The following COL22A1 variants were observed in gnomAD, a reference collection of about 807,000 sequenced individuals.
The protein encoded by COL22A1 is collagen alpha-1(XXII) chain.
In COL22A1, 221 loss-of-function variants were observed where a neutral mutation model predicts 248.9. The ratio of observed to expected loss-of-function variants is 0.89; its 90% CI spans 0.80 to 0.99. The LOEUF (loss-of-function observed/expected upper bound fraction) is 0.99. Among genes scored for constraint, COL22A1 ranks in the 50% least tolerant of loss-of-function variants. The pLI is 0.00. For synonymous variants in COL22A1, 891 were observed against 793.4 expected (o/e 1.12, Z -2.07); for missense variants, 2,240 against 2,179.0 (o/e 1.03, Z -0.56).
At chr8:138,711,111 C>T (rs769361827) in intron 30 of COL22A1, among the ~76,000 whole-genome samples, 3 of 152,090 alleles carry the variant, frequency 2.0e-5, no homozygotes, top group Non-Finnish European at 4.4e-5. Flanking sequence ...GGAAAAGAGG[C>T]TTGACTAAGA....
At chr8:138,890,583 G>A (rs1312724734) in intron 1 of COL22A1, among the ~76,000 whole-genome samples, 1 of 152,070 alleles carries the variant, frequency 6.6e-6, no homozygotes, top group African/African-American at 2.4e-5. Context: ...AAGTAGCTGT[G>A]ACTACAGGCA....
intron 17 of COL22A1, 95 bp downstream of exon 17, chr8:138,762,318 G>T: frequency 8.0e-7 from 1 of 1,244,928 alleles, no homozygotes; most frequent in Non-Finnish European, 1.2e-6. Context: ...GGAGGCCCAG[G>T]TGCTGAGGCT....
At chr8:138,719,966 C>A (rs1278844813) in intron 27 of COL22A1, among the ~76,000 whole-genome samples, 1 of 152,194 alleles carries the variant, frequency 6.6e-6, no homozygotes, top group Non-Finnish European at 1.5e-5. Context: ...CTCAGCACCA[C>A]AGGTTTCCAT....
At chr8:138,694,599 C>T (rs576129081) in intron 33 of COL22A1, 38 bp from the exon 34 acceptor site, 3 of 1,607,834 alleles carry the variant, frequency 1.9e-6, no homozygotes, top group African/African-American at 1.3e-5. Context: ...AGCTCATCCT[C>T]CTGGTTCTGA....
At chr8:138,845,961 C>A (rs1382707305) in intron 3 of COL22A1, among the ~76,000 whole-genome samples, 1 of 152,188 alleles carries the variant, frequency 6.6e-6, no homozygotes, top group African/African-American at 2.4e-5. Context: ...TATACAATGG[C>A]CTCTTCTCAT....
intron 1 of COL22A1, among the ~76,000 whole-genome samples, chr8:138,912,692 G>A (rs1203536295): frequency 2.0e-5 from 3 of 152,160 alleles, no homozygotes; most frequent in South Asian, 2.1e-4. Flanking sequence ...ACAGTGAGCC[G>A]AGGCTGCACC....
intron 47 of COL22A1, 99 bp from the exon 48 acceptor site, chr8:138,636,894 C>T: frequency 2.0e-6 from 2 of 1,023,658 alleles, no homozygotes; most frequent in Non-Finnish European, 3.0e-6. Flanking sequence ...ATTAATTCTC[C>T]AAAAATCTCT....
At chr8:138,786,259 A>G (rs1815505142) in intron 12 of COL22A1, among the ~76,000 whole-genome samples, 1 of 152,184 alleles carries the variant, frequency 6.6e-6, no homozygotes, top group African/African-American at 2.4e-5. Flanking sequence ...TATTCTAAGA[A>G]GAGAACTAGA....
intron 6 of COL22A1, among the ~76,000 whole-genome samples, chr8:138,823,409 T>A (rs891945982): frequency 1.3e-5 from 2 of 152,138 alleles, no homozygotes; most frequent in Non-Finnish European, 2.9e-5. Context: ...CAAGATGTGA[T>A]TTATTGGCTT....
At chr8:138,803,494 ACATGTACC>A (rs1817180085) in intron 10 of COL22A1, among the ~76,000 whole-genome samples, 1 of 152,190 alleles carries the variant, frequency 6.6e-6, no homozygotes, top group African/African-American at 2.4e-5. Context: ...CACAATGTGC[ACATGTACC>A]CTAAAACTTA....
chr8:138,778,130 G>A, intron 15 of COL22A1: 2 of 609,444 alleles, frequency 3.3e-6, no homozygotes, highest in East Asian at 2.9e-5. Context: ...ATGTGAGAAA[G>A]GGGTCCCAGG....
intron 3 of COL22A1, among the ~76,000 whole-genome samples, chr8:138,860,770 T>C (rs1023780050): frequency 6.6e-6 from 1 of 152,114 alleles, no homozygotes; most frequent in Admixed American, 6.5e-5. Flanking sequence ...ATGGCACCAC[T>C]ACACTCCAGC....
At chr8:138,597,443 G>T (rs1564077996) in intron 61 of COL22A1, among the ~76,000 whole-genome samples, 1 of 152,158 alleles carries the variant, frequency 6.6e-6, no homozygotes, top group Non-Finnish European at 1.5e-5. Context: ...CCATGCTCTG[G>T]TTTTCCCTGC....
chr8:138,876,697 C>T (rs1823739090), intron 3 of COL22A1, among the ~76,000 whole-genome samples: 1 of 152,116 alleles, frequency 6.6e-6, no homozygotes, highest in African/African-American at 2.4e-5. Context: ...CCCCTTCTGA[C>T]TCACACCCAG....
chr8:138,704,664 G>T (rs553702099), intron 30 of COL22A1, among the ~76,000 whole-genome samples: 1 of 152,098 alleles, frequency 6.6e-6, no homozygotes, highest in Non-Finnish European at 1.5e-5. Flanking sequence ...AAACCACAAA[G>T]ATGGGGAGAA....
chr8:138,658,809 A>G (rs2130648590), intron 44 of COL22A1, among the ~76,000 whole-genome samples: 1 of 152,260 alleles, frequency 6.6e-6, no homozygotes, highest in East Asian at 1.9e-4. Context: ...GATACCTGAG[A>G]GCCAATGGGC....
chr8:138,710,858 C>T, intron 30 of COL22A1, among the ~76,000 whole-genome samples: 1 of 152,152 alleles, frequency 6.6e-6, no homozygotes, highest in Admixed American at 6.5e-5. Context: ...ACTCAAGCTC[C>T]AGAACCAATC....
At chr8:138,859,657 G>A (rs185552577) in intron 3 of COL22A1, among the ~76,000 whole-genome samples, 65 of 151,810 alleles carry the variant, frequency 4.3e-4, no homozygotes, top group African/African-American at 1.3e-3. Flanking sequence ...TAGGGGTGGC[G>A]CCACCCCCCC....
chr8:138,797,683 C>T (rs895239207), intron 11 of COL22A1, among the ~76,000 whole-genome samples: 4 of 152,110 alleles, frequency 2.6e-5, no homozygotes, highest in African/African-American at 4.8e-5. Context: ...AAAGCAACTG[C>T]ACCATATTAT....
Sources: gnomAD v4.1 joint callset for allele counts (sites outside exome capture counted in the v4.1 genomes callset) on GRCh38, gnomAD v4.1.1 for gene constraint, MANE v1.5 for transcripts, NCBI Gene and HGNC (gene_info 2026-07-23, HGNC 2026-07-21) for gene names.